NEXMIF: variants seen among roughly 807,000 people sequenced by gnomAD.
The protein encoded by NEXMIF is neurite extension and migration factor.
Under a neutral mutation model 62.1 loss-of-function variants are expected in NEXMIF, and 8 were observed. That is an observed-to-expected ratio of 0.13 (90% CI 0.08 to 0.23). The LOEUF (loss-of-function observed/expected upper bound fraction) is 0.23. NEXMIF is among the 10% of genes least tolerant of loss of function. The pLI, the probability that NEXMIF is intolerant of heterozygous loss-of-function variation, is 1.00. For missense variants in NEXMIF, 976 were observed against 1,113.3 expected (o/e 0.88, Z 1.75); for synonymous variants, 404 against 416.6 (o/e 0.97, Z 0.37).
chrX:74,755,967 C>T (rs2080157896), intron 1 of NEXMIF, among the ~76,000 whole-genome samples: 1 of 111,999 alleles, frequency 8.9e-6, no homozygotes, highest in Non-Finnish European at 1.9e-5. Flanking sequence ...CCTCTGCCTC[C>T]TGGGTTCCAG....
chrX:74,782,009 C>G (rs1335599847), intron 1 of NEXMIF, among the ~76,000 whole-genome samples: 1 of 112,053 alleles, frequency 8.9e-6, no homozygotes, highest in Non-Finnish European at 1.9e-5. Context: ...AGGGAACTAA[C>G]CAGATGACAC....
chrX:74,733,103 C>T lies in NEXMIF; in HGVS notation c.*6302G>A, dbSNP rs1370144940. The stretch of plus-strand genomic sequence containing the variant: ...AACACCTAGGGATCTTGTTAAAATT[C>T]AGATTCTCATTCAGCAGAATTGGTG... On this transcript the variant is annotated 3_prime_UTR_variant, in exon 4 of 4. Coordinates refer to ENST00000055682, the MANE Select transcript of NEXMIF (RefSeq NM_001008537.3). 7.2e-5 allele frequency: 8 copies of T among 111,810 alleles called. No homozygotes were observed. The highest frequency in any genetic ancestry group is 1.5e-4 in the Non-Finnish European group (8 of 53,164). The allele number at this position is 111,810 out of a possible 1,213,427, so 9.2% of individuals were successfully genotyped here. A position where few individuals can be genotyped will look rare whatever the true frequency, so the allele number is the denominator to read the frequency against.
Position 74,742,925 on chromosome X carries a change from G to T in NEXMIF, c.1632C>A (p.Ile544=). ...KEPPVIIKYI[I]INRFKGEKNM... Reference sequence around the variant, plus strand: ...TCTTCTCACCTTTAAAGCGATTAATGATGATATATTTGATAATAACAGGGG... The same window carrying T: ...TCTTCTCACCTTTAAAGCGATTAATTATGATATATTTGATAATAACAGGGG... Residue 544 remains isoleucine, a synonymous_variant, in exon 3 of 4, where the codon ATC becomes ATA. Transcript: ENST00000055682. The T allele has an allele frequency of 8.3e-7, 1 of 1,210,852 alleles. No homozygotes were observed. Among genetic ancestry groups the T allele is most frequent in the Non-Finnish European group, 1.1e-6 (1 of 894,950 alleles).
At chrX:74,856,017 T>A (rs1388672722) in intron 1 of NEXMIF, among the ~76,000 whole-genome samples, 1 of 111,993 alleles carries the variant, frequency 8.9e-6, no homozygotes, top group Non-Finnish European at 1.9e-5. Context: ...AAAACACCAT[T>A]ATGAAACATG....
At chrX:74,862,349 A>G (rs1166673127) in intron 1 of NEXMIF, among the ~76,000 whole-genome samples, 2 of 111,172 alleles carry the variant, frequency 1.8e-5, no homozygotes, top group Non-Finnish European at 3.8e-5. Flanking sequence ...ACAAGTTCTT[A>G]GAGACCTACA....
chrX:74,818,759 A>G (rs1288339855), intron 1 of NEXMIF, among the ~76,000 whole-genome samples: 1 of 112,175 alleles, frequency 8.9e-6, no homozygotes. Context: ...TAAATCAATG[A>G]GCAAAAAACA....
chrX:74,806,273 C>T (rs57414503), intron 1 of NEXMIF, among the ~76,000 whole-genome samples: 1,128 of 110,530 alleles, frequency 0.01, 14 homozygotes, highest in African/African-American at 0.036. Context: ...AGAGGTGGGA[C>T]GGAGGGAGTG....
In NEXMIF at chrX:74,742,189, T is replaced by C; in HGVS notation, c.2368A>G (p.Thr790Ala). 1 of 1,211,559 alleles carries C rather than the reference T, an allele frequency of 8.3e-7. No individual in the cohort carries two copies. Among genetic ancestry groups the C allele is most frequent in the Non-Finnish European group, 1.1e-6 (1 of 895,356 alleles). ...AAAGGCATTTCAGAAGAGCATGTCG[T>C]TGGTAGAAAAGTGGAACTCTTAGCA... ...KAAKSSTFLP[T>A]TCSSEMPLSS... Residue 790 changes from threonine (T) to alanine (A), a missense_variant, in exon 3 of 4, where the codon ACG becomes GCG. Thr to Ala is a moderately conservative substitution (Grantham distance 58, BLOSUM62 0). Around this residue, in one of 5 missense-constraint regions of NEXMIF, gnomAD observed 639 missense variants for 694.5 expected, o/e 0.92. Transcript: ENST00000055682.
intron 1 of NEXMIF, among the ~76,000 whole-genome samples, chrX:74,865,070 G>A (rs1192538189): frequency 2.7e-5 from 3 of 111,901 alleles, no homozygotes; most frequent in Admixed American, 9.5e-5. Flanking sequence ...TACCAGTAGA[G>A]TGGAGTACTG....
chrX:74,739,902 A>C, intron 3 of NEXMIF, 198 bp downstream of exon 3: 1 of 415,968 alleles, frequency 2.4e-6, no homozygotes. Context: ...AAAATTGCCC[A>C]ATCTTTTGGG....
intron 1 of NEXMIF, among the ~76,000 whole-genome samples, chrX:74,917,519 T>C (rs2147376304): frequency 8.9e-6 from 1 of 112,294 alleles, no homozygotes; most frequent in South Asian, 3.7e-4. Context: ...TATTTGTGTT[T>C]GCAGAGCTTA....
intron 1 of NEXMIF, among the ~76,000 whole-genome samples, chrX:74,766,934 C>T (rs997356050): frequency 1.8e-5 from 2 of 111,718 alleles, no homozygotes; most frequent in African/African-American, 6.5e-5. Flanking sequence ...AGTCCTAGGT[C>T]GAGTGGCCCT....
At chrX:74,796,243 T>C (rs755060161) in intron 1 of NEXMIF, among the ~76,000 whole-genome samples, 91 of 36,979 alleles carry the variant, frequency 2.5e-3, no homozygotes, top group Non-Finnish European at 3.8e-3. Flanking sequence ...TATATATATA[T>C]ACACATATAT....
At chrX:74,792,154 C>T (rs1273202746) in intron 1 of NEXMIF, among the ~76,000 whole-genome samples, 60 of 110,679 alleles carry the variant, frequency 5.4e-4, no homozygotes, top group African/African-American at 1.7e-3. Flanking sequence ...GAATGCGTCC[C>T]AGAGATTCTG....
At chrX:74,815,550 T>TA (rs2080373230) in intron 1 of NEXMIF, among the ~76,000 whole-genome samples, 2 of 111,287 alleles carry the variant, frequency 1.8e-5, no homozygotes, top group Admixed American at 1.9e-4. Context: ...ATTCCCCTAT[T>TA]AAAAAACCAG....
intron 1 of NEXMIF, among the ~76,000 whole-genome samples, chrX:74,863,263 G>A (rs1193297273): frequency 9.1e-6 from 1 of 109,533 alleles, no homozygotes; most frequent in Non-Finnish European, 1.9e-5. Context: ...GCTAGCAGAA[G>A]ACAAAAAATA....
At chrX:74,795,257 A>G (rs1469818789) in intron 1 of NEXMIF, among the ~76,000 whole-genome samples, 31 of 112,310 alleles carry the variant, frequency 2.8e-4, no homozygotes, top group Non-Finnish European at 1.5e-4. Context: ...CTTTATTCCT[A>G]ATTTCTCAAA....
rs1256522274 is a variant in NEXMIF at position 74,817,280 on chromosome X, T to C, written c.-47-71583A>G. ...ACAAGAATGGAAGGTTACTATAGCATTAATGCCATGGCCTAAGTCTTAAAC... is the reference window on the plus strand; with the variant it reads ...ACAAGAATGGAAGGTTACTATAGCACTAATGCCATGGCCTAAGTCTTAAAC... On this transcript the variant is annotated intron_variant, in intron 1 of 3. Transcript: ENST00000055682. 1.1e-4 allele frequency among the ~76,000 whole-genome samples: 12 copies of C among 111,926 alleles called. No individual in the cohort carries two copies. The Admixed American group carries it at 1.1e-3, about 11-fold the overall frequency.
At chrX:74,870,444 C>A (rs1013610673) in intron 1 of NEXMIF, among the ~76,000 whole-genome samples, 1 of 111,481 alleles carries the variant, frequency 9.0e-6, no homozygotes, top group Non-Finnish European at 1.9e-5. Context: ...CAAGCACTGA[C>A]AACCAAAGCA....
Sources: allele counts gnomAD v4.1 joint callset (sites outside exome capture counted in the v4.1 genomes callset), GRCh38; gene constraint gnomAD v4.1.1; regional missense constraint gnomAD v4.1.1; transcripts MANE v1.5; gene names NCBI Gene and HGNC (gene_info 2026-07-23, HGNC 2026-07-21).